ELF2: variants seen among roughly 807,000 people sequenced by gnomAD.
ELF2 encodes the protein E74 like ETS transcription factor 2.
In ELF2, 11 loss-of-function variants were observed where a neutral mutation model predicts 54.8. The ratio of observed to expected loss-of-function variants is 0.20; its 90% CI spans 0.13 to 0.33. ELF2 has a LOEUF of 0.33. Among genes scored for constraint, ELF2 ranks in the 10% least tolerant of loss-of-function variants. The pLI is 1.00. For missense variants in ELF2, 513 were observed against 703.0 expected (o/e 0.73, Z 3.06); for synonymous variants, 203 against 245.1 (o/e 0.83, Z 1.61).
intron 3 of ELF2, among the ~76,000 whole-genome samples, chr4:139,132,288 A>C (rs183620921): frequency 3.0e-4 from 46 of 152,346 alleles, no homozygotes; most frequent in African/African-American, 1.0e-3. Context: ...TTGTGGAAGA[A>C]TATGCCTCAC....
At chr4:139,170,397 G>T (rs1326679247) in intron 1 of ELF2, among the ~76,000 whole-genome samples, 1 of 150,496 alleles carries the variant, frequency 6.6e-6, no homozygotes, top group Non-Finnish European at 1.5e-5. Flanking sequence ...CTAAGTAGCT[G>T]GGGCTACAGG....
At chr4:139,095,110 C>T (rs927753893) in intron 4 of ELF2, among the ~76,000 whole-genome samples, 3 of 151,864 alleles carry the variant, frequency 2.0e-5, no homozygotes, top group African/African-American at 7.3e-5. Flanking sequence ...TGGCTAGGAC[C>T]TCCAATAATA....
Position 139,058,407 on chromosome 4 carries a change from GTATATATATA to G in ELF2, c.*566_*575del, listed in dbSNP as rs113800639. ...AGCTATATGATATATATATATGTAT[GTATATATATA>G]TATATATATATATAAAATCGCACTA... is the stretch of plus-strand genomic sequence containing the variant. On this transcript the variant is annotated 3_prime_UTR_variant, in exon 10 of 10. Coordinates refer to ENST00000686138, the MANE Select transcript of ELF2 (RefSeq NM_001331036.3). 49 of 142,152 alleles carry G rather than the reference GTATATATATA, an allele frequency of 3.4e-4. No individual in the cohort carries two copies. The highest frequency in any genetic ancestry group is 1.2e-3 in the African/African-American group (45 of 38,872). 8.8% of individuals were successfully genotyped at this position (142,152 alleles called of 1,614,324 possible).
At chr4:139,115,415 T>C in intron 4 of ELF2, 1 of 993,558 alleles carries the variant, frequency 1.0e-6, no homozygotes, top group African/African-American at 1.8e-5. Flanking sequence ...GGCCCCTCCC[T>C]GCGCCACCGC....
chr4:139,176,453 G>A (rs1467267977), intron 1 of ELF2, among the ~76,000 whole-genome samples: 4 of 141,924 alleles, frequency 2.8e-5, no homozygotes, highest in African/African-American at 7.6e-5. Flanking sequence ...GTCCCGCCCC[G>A]AGCTCGCCGC....
At chr4:139,112,404 T>C (rs1283533272) in intron 4 of ELF2, among the ~76,000 whole-genome samples, 2 of 152,232 alleles carry the variant, frequency 1.3e-5, no homozygotes, top group Non-Finnish European at 2.9e-5. Flanking sequence ...GCTGAAAGCC[T>C]GGTGAGGGCA....
chr4:139,154,313 T>C (rs764808049), intron 1 of ELF2, among the ~76,000 whole-genome samples: 31 of 152,224 alleles, frequency 2.0e-4, no homozygotes, highest in Admixed American at 4.6e-4. Context: ...CATAAGATAG[T>C]ATAAAACAAC....
At chr4:139,137,986 A>G (rs745978116) in intron 2 of ELF2, 119 bp from the exon 3 acceptor site, 18 of 665,552 alleles carry the variant, frequency 2.7e-5, no homozygotes, top group Admixed American at 7.7e-5. Context: ...GACAGGCTTA[A>G]CATCCCCGTG....
chr4:139,151,093 A>AGAGAGAG (rs1491427395), intron 1 of ELF2, among the ~76,000 whole-genome samples: 3 of 148,624 alleles, frequency 2.0e-5, no homozygotes, highest in African/African-American at 4.9e-5. Context: ...AGAAAGAAAG[A>AGAGAGAG]AAAAGAGAGC....
At chr4:139,117,051 A>C (rs549173074) in intron 4 of ELF2, among the ~76,000 whole-genome samples, 9 of 152,294 alleles carry the variant, frequency 5.9e-5, no homozygotes, top group African/African-American at 2.2e-4. Flanking sequence ...TTTAAACACA[A>C]TTTTGTTGAT....
At chr4:139,143,952 A>T (rs778929871) in intron 1 of ELF2, among the ~76,000 whole-genome samples, 3 of 150,430 alleles carry the variant, frequency 2.0e-5, no homozygotes, top group Non-Finnish European at 3.0e-5. Context: ...AATTTTAATT[A>T]AAAAAAAAAT....
At chr4:139,156,236 C>G (rs999206267) in intron 1 of ELF2, among the ~76,000 whole-genome samples, 4 of 151,590 alleles carry the variant, frequency 2.6e-5, no homozygotes, top group Non-Finnish European at 5.9e-5. Context: ...AGTGCAGTGG[C>G]GCGATCTCAG....
At chr4:139,069,997 T>C (rs1356137298) in intron 6 of ELF2, among the ~76,000 whole-genome samples, 2 of 149,966 alleles carry the variant, frequency 1.3e-5, no homozygotes, top group Admixed American at 6.6e-5. Context: ...TGTGCCACCA[T>C]ACCTGGCTAA....
chr4:139,100,110 T>C (rs1560810007), intron 4 of ELF2, among the ~76,000 whole-genome samples: 1 of 152,252 alleles, frequency 6.6e-6, no homozygotes, highest in Non-Finnish European at 1.5e-5. Flanking sequence ...TGCTTGAGCT[T>C]GGGCTCTGGG....
At chr4:139,094,902 A>G (rs1733085502) in intron 4 of ELF2, among the ~76,000 whole-genome samples, 3 of 151,982 alleles carry the variant, frequency 2.0e-5, no homozygotes, top group Non-Finnish European at 4.4e-5. Flanking sequence ...ACTATTATCA[A>G]TGGGATCTTT....
intron 1 of ELF2, among the ~76,000 whole-genome samples, chr4:139,150,302 G>T (rs536975193): frequency 6.6e-6 from 1 of 150,964 alleles, no homozygotes; most frequent in South Asian, 2.1e-4. Context: ...GGGTGGCAGA[G>T]GTTGCAGTAA....
intron 1 of ELF2, among the ~76,000 whole-genome samples, chr4:139,176,022 C>A (rs1422028777): frequency 6.6e-6 from 1 of 152,174 alleles, no homozygotes; most frequent in Non-Finnish European, 1.5e-5. Flanking sequence ...GAAGAGAGGG[C>A]TCGGCTACCC....
chr4:139,114,651 T>C (rs1380901739), intron 4 of ELF2, among the ~76,000 whole-genome samples: 2 of 127,416 alleles, frequency 1.6e-5, no homozygotes, highest in Non-Finnish European at 3.4e-5. Context: ...TCTTTTTTTT[T>C]TTTTTTTTTG....
chr4:139,088,753 T>TTTTTTTC (rs1037636394), intron 4 of ELF2, among the ~76,000 whole-genome samples: 5 of 152,108 alleles, frequency 3.3e-5, no homozygotes, highest in South Asian at 2.1e-4. Context: ...TAGGACTTTT[T>TTTTTTTC]TTTTTTCTTT....
Sources: allele counts gnomAD v4.1 joint callset (sites outside exome capture counted in the v4.1 genomes callset), GRCh38; gene constraint gnomAD v4.1.1; transcripts MANE v1.5; gene names NCBI Gene and HGNC (gene_info 2026-07-23, HGNC 2026-07-21).